Variants in DPP10 observed in about 807,000 individuals in gnomAD.
DPP10 encodes dipeptidyl peptidase like 10, also known as inactive dipeptidyl peptidase 10.
A neutral mutation model predicts 120.9 loss-of-function variants in DPP10; 33 were observed. The observed-to-expected ratio is 0.27, with a 90% confidence interval of 0.21 to 0.37. DPP10 has a LOEUF of 0.37. DPP10 is among the 10% of genes least tolerant of loss of function. The probability of loss-of-function intolerance (pLI) is 1.00; values close to 1 mark genes in which losing one functional copy is unlikely to be tolerated. For synonymous variants in DPP10, 337 were observed against 326.1 expected (o/e 1.03, Z -0.36); for missense variants, 816 against 942.8 (o/e 0.87, Z 1.76).
chr2:115,133,145 G>GTGTATATATATATATATATA (rs1338395575), intron 1 of DPP10, among the ~76,000 whole-genome samples: 3 of 28,756 alleles, frequency 1.0e-4, no homozygotes, highest in Non-Finnish European at 1.3e-4. Context: ...GTGTGTGTGT[G>GTGTATATATATATATATATA]TATATATATA....
chr2:114,513,219 G>T (rs894980682), intron 1 of DPP10, among the ~76,000 whole-genome samples: 4 of 151,986 alleles, frequency 2.6e-5, no homozygotes, highest in African/African-American at 9.7e-5. Context: ...CTCAACTTGG[G>T]AATAAGAAAC....
chr2:114,531,801 T>G (rs1686013690), intron 1 of DPP10, among the ~76,000 whole-genome samples: 2 of 152,038 alleles, frequency 1.3e-5, no homozygotes, highest in African/African-American at 4.8e-5. Context: ...GATTTTGATA[T>G]GTATTATTGT....
At chr2:115,711,873 T>G (rs1243318976) in intron 7 of DPP10, among the ~76,000 whole-genome samples, 1 of 151,506 alleles carries the variant, frequency 6.6e-6, no homozygotes, top group Non-Finnish European at 1.5e-5. Context: ...TAAAATGCAT[T>G]TTTAAGAGTT....
Position 114,982,624 on chromosome 2 carries a change from A to C in DPP10, c.61-326615A>C, listed in dbSNP as rs534652848. On this transcript the variant is annotated intron_variant, in intron 1 of 25. Coordinates refer to ENST00000410059, the MANE Select transcript of DPP10 (RefSeq NM_020868.6). ...TTTCTTTTTTTTTTTTAATTGACACAAGGTGTCACTCTGTCACCCAGGCTG... is the reference window on the plus strand; with the variant it reads ...TTTCTTTTTTTTTTTTAATTGACACCAGGTGTCACTCTGTCACCCAGGCTG... 9.2e-5 allele frequency among the ~76,000 whole-genome samples: 14 copies of C among 151,918 alleles called. No homozygotes were observed. The South Asian group carries it at 2.3e-3, about 25-fold the overall frequency.
intron 9 of DPP10, among the ~76,000 whole-genome samples, chr2:115,741,352 C>CA (rs869234554): frequency 1.5e-4 from 1 of 6,572 alleles, no homozygotes; most frequent in East Asian, 0.036. Context: ...TTTAACTTCA[C>CA]AAAAAAAAAA....
chr2:114,513,924 C>T (rs551694613), intron 1 of DPP10, among the ~76,000 whole-genome samples: 27 of 152,124 alleles, frequency 1.8e-4, no homozygotes, highest in Non-Finnish European at 3.4e-4. Context: ...AATTATTCCC[C>T]CCATTTATAT....
intron 3 of DPP10, among the ~76,000 whole-genome samples, chr2:115,497,483 TG>T (rs1345416793): frequency 6.6e-6 from 1 of 151,978 alleles, no homozygotes; most frequent in East Asian, 1.9e-4. Flanking sequence ...ACTTGTCGAG[TG>T]TTTTGTTTTG....
At chr2:115,752,184 A>G (rs1178044905) in intron 10 of DPP10, among the ~76,000 whole-genome samples, 1 of 152,184 alleles carries the variant, frequency 6.6e-6, no homozygotes, top group African/African-American at 2.4e-5. Context: ...ATCAGATGAG[A>G]TTGGGCATGT....
intron 7 of DPP10, among the ~76,000 whole-genome samples, chr2:115,705,108 A>T (rs1429812979): frequency 5.9e-5 from 9 of 152,008 alleles, no homozygotes; most frequent in Non-Finnish European, 1.3e-4. Context: ...ACCTCAAATT[A>T]TGAGCAATGG....
intron 7 of DPP10, among the ~76,000 whole-genome samples, chr2:115,721,741 T>C (rs925190601): frequency 1.3e-5 from 2 of 152,186 alleles, no homozygotes; most frequent in Non-Finnish European, 2.9e-5. Flanking sequence ...GATCTAGCCG[T>C]GCCAGTTCTG....
At position 115,207,675 on chromosome 2, in the gene DPP10, A is replaced by G. The variant is rs145860766; in HGVS notation, c.61-101564A>G. On this transcript the variant is annotated intron_variant, in intron 1 of 25. Coordinates refer to ENST00000410059, the MANE Select transcript of DPP10 (RefSeq NM_020868.6). ...AAACTCAGTGAGACTAGAGCAGAGT[A>G]CAAAATCAGAGTATCTTATGGTAGG... is the stretch of plus-strand genomic sequence containing the variant. Among the ~76,000 whole-genome samples, 23 of 152,328 alleles carry G rather than the reference A, an allele frequency of 1.5e-4. No homozygotes were observed. The East Asian group carries it at 3.7e-3, about 24-fold the overall frequency.
chr2:114,739,711 C>T (rs888294728), intron 1 of DPP10, among the ~76,000 whole-genome samples: 1 of 152,110 alleles, frequency 6.6e-6, no homozygotes, highest in African/African-American at 2.4e-5. Flanking sequence ...GCCAGGCATT[C>T]ATTTACATTC....
chr2:115,082,919 T>C (rs1191413730), intron 1 of DPP10, among the ~76,000 whole-genome samples: 4 of 152,242 alleles, frequency 2.6e-5, no homozygotes, highest in Non-Finnish European at 5.9e-5. Context: ...CACCTAGAGC[T>C]ATATTACTTT....
At chr2:114,463,597 A>G (rs534465216) in intron 1 of DPP10, among the ~76,000 whole-genome samples, 1 of 152,322 alleles carries the variant, frequency 6.6e-6, no homozygotes, top group East Asian at 1.9e-4. Flanking sequence ...GCATACAGTT[A>G]CATCTTTTTG....
At chr2:114,600,299 C>T (rs747823167) in intron 1 of DPP10, among the ~76,000 whole-genome samples, 1 of 151,566 alleles carries the variant, frequency 6.6e-6, no homozygotes, top group Admixed American at 6.6e-5. Flanking sequence ...TCTGTAATAT[C>T]CCATTTTCTG....
chr2:114,777,688 A>G (rs1029934757), intron 1 of DPP10, among the ~76,000 whole-genome samples: 3 of 152,146 alleles, frequency 2.0e-5, no homozygotes, highest in Admixed American at 6.5e-5. Context: ...AGCTTCTATC[A>G]GTAATAGATA....
intron 1 of DPP10, chr2:114,833,260 C>T (rs1305550598): frequency 6.9e-6 from 1 of 145,514 alleles, no homozygotes; most frequent in Non-Finnish European, 1.5e-5. Context: ...TGTGATTATA[C>T]AGCCAATATG....
chr2:115,228,126 G>T (rs1397914721), intron 1 of DPP10, among the ~76,000 whole-genome samples: 1 of 151,602 alleles, frequency 6.6e-6, no homozygotes. Context: ...TTTTGTTGTT[G>T]TTGTTGACAT....
intron 1 of DPP10, among the ~76,000 whole-genome samples, chr2:114,837,380 GATTGTATGGCT>G (rs2106433895): frequency 6.6e-6 from 1 of 152,258 alleles, no homozygotes; most frequent in South Asian, 2.1e-4. Context: ...TAATATTAGG[GATTGTATGGCT>G]ATTCAGACGT....
Sources: allele counts gnomAD v4.1 joint callset (sites outside exome capture counted in the v4.1 genomes callset), GRCh38; gene constraint gnomAD v4.1.1; transcripts MANE v1.5; gene names NCBI Gene and HGNC (gene_info 2026-07-23, HGNC 2026-07-21).